The following CD36 variants were observed in gnomAD, a reference collection of about 807,000 sequenced individuals.
CD36 encodes platelet glycoprotein 4.
A neutral mutation model predicts 55.2 loss-of-function variants in CD36; 119 were observed. The observed-to-expected ratio is 2.15, with a 90% CI of 1.86 to 2.51. The LOEUF (loss-of-function observed/expected upper bound fraction) is 2.51, where lower values mean the gene tolerates loss of function less well. CD36 is among the 30% of genes most tolerant of loss of function. The pLI is 0.00. For missense variants in CD36, 819 were observed against 555.5 expected (o/e 1.47, Z -4.77); for synonymous variants, 186 against 193.6 (o/e 0.96, Z 0.33).
At position 80,661,086 on chromosome 7, in the gene CD36, ATG is replaced by A; in HGVS notation, c.307_308del (p.Val103AsnfsTer5). ...AGAGTTCGTTTTCTAGCCAAGGAAAATGTAACCCAGGACGCTGAGGACAACAC... is the reference window on the plus strand; with the variant it reads ...AGAGTTCGTTTTCTAGCCAAGGAAAATAACCCAGGACGCTGAGGACAACAC... On this transcript the variant is annotated frameshift_variant, in exon 5 of 15. Transcript: ENST00000447544. LOFTEE classifies it high-confidence loss of function. 6.2e-7 allele frequency: 1 copy of A among 1,613,938 alleles called. No homozygotes were observed. Among genetic ancestry groups the A allele is most frequent in the Non-Finnish European group, 8.5e-7 (1 of 1,179,820 alleles).
chr7:80,654,880 G>GA (rs67640111), intron 3 of CD36, among the ~76,000 whole-genome samples: 148 of 142,984 alleles, frequency 1.0e-3, no homozygotes, highest in African/African-American at 1.3e-3. Context: ...GAGGGTGACG[G>GA]AAAAAAAAAA....
At chr7:80,662,908 G>C (rs905474415) in intron 5 of CD36, 82 bp from the exon 6 acceptor site, 2 of 1,143,900 alleles carry the variant, frequency 1.7e-6, no homozygotes, top group Non-Finnish European at 2.6e-6. Context: ...TTTGTATTAA[G>C]CTCAATATTA....
chr7:80,642,353 C>T (rs920705067), intron 1 of CD36, among the ~76,000 whole-genome samples: 2 of 151,958 alleles, frequency 1.3e-5, no homozygotes, highest in African/African-American at 4.8e-5. Flanking sequence ...ATTAAGAAAA[C>T]TGAGTAAGCA....
intron 1 of CD36, among the ~76,000 whole-genome samples, chr7:80,630,256 G>C (rs1330031128): frequency 6.6e-6 from 1 of 151,992 alleles, no homozygotes; most frequent in East Asian, 1.9e-4. Context: ...GATCTGTTAA[G>C]TGGATAAAGT....
At chr7:80,657,644 T>C (rs1278364618) in intron 4 of CD36, among the ~76,000 whole-genome samples, 1 of 152,124 alleles carries the variant, frequency 6.6e-6, no homozygotes, top group Admixed American at 6.6e-5. Flanking sequence ...ATTTCAATTA[T>C]AGACACTCTG....
At position 80,661,208 on chromosome 7, in the gene CD36, G is replaced by A. The variant is rs773314523; in HGVS notation, c.427G>A (p.Ala143Thr). The change falls in exon 5 of 15, where the codon GCA (alanine) becomes ACA (threonine). Residue 143 changes from alanine (A) to threonine (T), a missense_variant and splice_region_variant. By Grantham distance (58) the Ala-to-Thr change is moderately conservative. Transcript: ENST00000447544. ...CTTCACAGTTCTCAATCTGGCTGTG[G>A]CAGTGAGTAGACAAACAACAAAGTT... ...DNFTVLNLAVAAASHIYQNQF... is the reference protein window; with the variant it reads ...DNFTVLNLAVTAASHIYQNQF... 6.2e-7 allele frequency: 1 copy of A among 1,613,642 alleles called. No homozygotes were observed. Among genetic ancestry groups the A allele is most frequent in the Non-Finnish European group, 8.5e-7 (1 of 1,179,678 alleles).
At chr7:80,674,210 T>C in intron 14 of CD36, 63 bp downstream of exon 14, 1 of 1,224,430 alleles carries the variant, frequency 8.2e-7, no homozygotes, top group Non-Finnish European at 1.2e-6. Flanking sequence ...TGTTTTCACT[T>C]TATCAAAGAG....
chr7:80,666,467 C>G lies in CD36; in HGVS notation c.726C>G (p.His242Gln). 6.2e-7 allele frequency: 1 copy of G among 1,608,240 alleles called. No individual in the cohort carries two copies. The highest frequency in any genetic ancestry group is 1.1e-5 in the South Asian group (1 of 90,946). Residue 242 changes from histidine to glutamine, a missense_variant, in exon 8 of 15, where the codon CAC becomes CAG. Coordinates refer to ENST00000447544, the MANE Select transcript of CD36 (RefSeq NM_001001548.3). ...GGAATCTGTCCTATTGGGAAAGTCA[C>G]TGCGACATGATTAATGGTACAGGTA... is the stretch of plus-strand genomic sequence containing the variant. ...GKRNLSYWES[H>Q]CDMINGTDAA...
At chr7:80,623,360 A>T (rs576945044) in intron 1 of CD36, among the ~76,000 whole-genome samples, 1 of 152,234 alleles carries the variant, frequency 6.6e-6, no homozygotes, top group South Asian at 2.1e-4. Context: ...TTTGTGGCAG[A>T]GTTCTGAGCA....
chr7:80,605,421 A>T lies in CD36; in HGVS notation c.-184+3042A>T, dbSNP rs564306308. ...GTTAGTTAATGGTGAAAGCATATTC[A>T]TCATTTTATGGACACTTTTCCCCAT... On this transcript the variant is annotated intron_variant, in intron 1 of 13. Coordinates refer to the CD36 transcript ENST00000309881. Among the ~76,000 whole-genome samples the T allele has an allele frequency of 2.6e-5, 4 of 152,286 alleles. No homozygotes were observed. In the South Asian group the frequency reaches 8.3e-4, roughly 32 times the overall value.
chr7:80,643,399 C>G (rs1268893200), intron 1 of CD36, among the ~76,000 whole-genome samples: 1 of 152,106 alleles, frequency 6.6e-6, no homozygotes, highest in Non-Finnish European at 1.5e-5. Context: ...TTATGTGGAA[C>G]ATAAAATAAC....
chr7:80,624,749 T>C (rs1034446436), intron 1 of CD36, among the ~76,000 whole-genome samples: 4 of 152,016 alleles, frequency 2.6e-5, no homozygotes, highest in African/African-American at 9.7e-5. Context: ...AGGATATACT[T>C]CCTAGTATAC....
intron 5 of CD36, chr7:80,662,334 G>A (rs1222007913): frequency 5.8e-6 from 1 of 172,172 alleles, no homozygotes; most frequent in Non-Finnish European, 1.3e-5. Flanking sequence ...GAAGTCAGTT[G>A]TCCTCGTCGA....
In CD36 at chr7:80,671,065, C is replaced by G. The variant is rs1797624389; in HGVS notation, c.907C>G (p.Pro303Ala). The G allele has an allele frequency of 6.2e-7, 1 of 1,612,128 alleles. No individual in the cohort carries two copies. Among genetic ancestry groups the G allele is most frequent in the Non-Finnish European group, 8.5e-7 (1 of 1,178,340 alleles). ...FVLPSKAFAS[P>A]VENPDNYCFC... ...TCTTCCATCCAAGGCCTTTGCCTCT[C>G]CAGTTGAAAACCCAGACAACTATTG... The change falls in exon 10 of 15, where the codon CCA becomes GCA. Residue 303 changes from proline to alanine, a missense_variant. By Grantham distance (27) the Pro-to-Ala change is conservative (BLOSUM62 -1). Coordinates refer to ENST00000447544, the MANE Select transcript of CD36 (RefSeq NM_001001548.3).
At chr7:80,623,049 CT>C (rs1793558462) in intron 1 of CD36, among the ~76,000 whole-genome samples, 1 of 149,540 alleles carries the variant, frequency 6.7e-6, no homozygotes, top group Non-Finnish European at 1.5e-5. Flanking sequence ...AGAGACTTAT[CT>C]AGTAATAATT....
At position 80,678,466 on chromosome 7, in the gene CD36, T is replaced by C. The variant is rs1402022787; in HGVS notation, c.*2083T>C. 4 of 152,160 alleles carry C rather than the reference T, an allele frequency of 2.6e-5. No homozygotes were observed. The highest frequency in any genetic ancestry group is 6.5e-5 in the Admixed American group (1 of 15,268). The allele number at this position is 152,160 out of a possible 1,614,324, so 9.4% of individuals were successfully genotyped here. A position where few individuals can be genotyped will look rare whatever the true frequency, so the allele number is the denominator to read the frequency against. On this transcript the variant is annotated 3_prime_UTR_variant, in exon 15 of 15. Coordinates refer to ENST00000447544, the MANE Select transcript of CD36 (RefSeq NM_001001548.3). ...GTGCATGAAGAAATAGAAGAAGCTA[T>C]GTAGCTTTCAGTTCTGACAGAAAAG...
intron 1 of CD36, among the ~76,000 whole-genome samples, chr7:80,642,147 C>T (rs1794861919): frequency 6.6e-6 from 1 of 152,014 alleles, no homozygotes; most frequent in Non-Finnish European, 1.5e-5. Flanking sequence ...CTTCTTTATA[C>T]AAGTCTCAAT....
chr7:80,619,269 T>G (rs1487453523), intron 1 of CD36, among the ~76,000 whole-genome samples: 3 of 152,170 alleles, frequency 2.0e-5, no homozygotes, highest in Non-Finnish European at 4.4e-5. Context: ...AACTGATGAT[T>G]AACAATGCAG....
chr7:80,610,776 T>C (rs989234994), intron 1 of CD36, among the ~76,000 whole-genome samples: 2 of 152,100 alleles, frequency 1.3e-5, no homozygotes, highest in African/African-American at 4.8e-5. Context: ...GGTTTCACTG[T>C]GTTAGCCAGG....
Sources: gnomAD v4.1 joint callset for allele counts (sites outside exome capture counted in the v4.1 genomes callset) on GRCh38, gnomAD v4.1.1 for gene constraint, MANE v1.5 for transcripts, NCBI Gene and HGNC (gene_info 2026-07-23, HGNC 2026-07-21) for gene names.